The following EPB41 variants were observed in gnomAD, a reference collection of about 807,000 sequenced individuals.
EPB41 encodes the protein protein 4.1.
EPB41 carries 65 observed loss-of-function variants against 108.0 expected under a neutral mutation model. The observed-to-expected ratio is 0.60, with a 90% CI of 0.49 to 0.74. EPB41 has a LOEUF of 0.74. EPB41 is among the 30% of genes least tolerant of loss of function. The pLI is 0.00. For missense variants in EPB41, 875 were observed against 1,037.0 expected, an observed-to-expected ratio of 0.84 and a Z score of 2.15; for synonymous variants, 336 against 358.9, an observed-to-expected ratio of 0.94 and a Z score of 0.72.
At position 28,987,476 on chromosome 1, in the gene EPB41, T is replaced by C. The variant is rs752272235; in HGVS notation, c.39T>C (p.Asn13=). Residue 13 remains asparagine, a synonymous_variant, in exon 2 of 21, where the codon AAT becomes AAC. Coordinates refer to ENST00000343067, the MANE Select transcript of EPB41 (RefSeq NM_001376013.1). ...TEKSLVTEAE[N]SQHQQKEEGE... is the part of the protein sequence containing the mutation. ...AGAGTTTAGTGACTGAGGCCGAAAATTCACAGCACCAACAGAAGGAAGAGG... is the reference window on the plus strand; with the variant it reads ...AGAGTTTAGTGACTGAGGCCGAAAACTCACAGCACCAACAGAAGGAAGAGG... 1 of 1,613,928 alleles carries C rather than the reference T, an allele frequency of 6.2e-7. No individual in the cohort carries two copies. Among genetic ancestry groups the C allele is most frequent in the Admixed American group, 1.7e-5 (1 of 59,996 alleles).
At chr1:28,989,507 C>G (rs1020371617) in intron 2 of EPB41, 1 of 465,940 alleles carries the variant, frequency 2.1e-6, no homozygotes, top group African/African-American at 2.1e-5. Flanking sequence ...TATTATAGGT[C>G]TGAGATTTGG....
intron 1 of EPB41, among the ~76,000 whole-genome samples, chr1:28,917,413 T>C (rs1182723547): frequency 2.0e-5 from 3 of 152,178 alleles, no homozygotes; most frequent in Non-Finnish European, 4.4e-5. Flanking sequence ...CCCAAGTAGC[T>C]GGGATTACAG....
intron 16 of EPB41, among the ~76,000 whole-genome samples, chr1:29,091,800 G>T (rs1451339814): frequency 6.6e-6 from 1 of 152,050 alleles, no homozygotes; most frequent in East Asian, 1.9e-4. Flanking sequence ...TTTGTTATCA[G>T]CCAATGAAAG....
At position 28,914,633 on chromosome 1, in the gene EPB41, TAGTC is replaced by T. The variant is rs1469554733; in HGVS notation, c.-136_-133del. On this transcript the variant is annotated 5_prime_UTR_variant, in exon 1 of 21. Coordinates refer to ENST00000343067, the MANE Select transcript of EPB41 (RefSeq NM_001376013.1). The stretch of plus-strand genomic sequence containing the variant: ...CGCTCCCTCCCTCCGCTGGTGCGTT[TAGTC>T]AGTCAGCCAGCAGCAGCCGGCGGGC... 5.3e-5 allele frequency: 8 copies of T among 151,562 alleles called. No individual in the cohort carries two copies. Among genetic ancestry groups the T allele is most frequent in the East Asian group, 2.0e-4 (1 of 5,106 alleles). 9.4% of individuals were successfully genotyped at this position (151,562 alleles called of 1,614,324 possible).
At chr1:28,926,019 G>A (rs527337621) in intron 1 of EPB41, among the ~76,000 whole-genome samples, 1 of 150,112 alleles carries the variant, frequency 6.7e-6, no homozygotes, top group Non-Finnish European at 1.5e-5. Flanking sequence ...TTTGAGACTA[G>A]CCTGGGCAAC....
chr1:29,015,531 G>A (rs560486448), intron 5 of EPB41, among the ~76,000 whole-genome samples, 161 bp from the exon 6 acceptor site: 6 of 151,142 alleles, frequency 4.0e-5, no homozygotes, highest in East Asian at 1.9e-4. Flanking sequence ...CACGCTTCAC[G>A]CTACGGCACT....
chr1:28,980,875 C>T (rs956058176), intron 1 of EPB41, among the ~76,000 whole-genome samples: 1 of 148,674 alleles, frequency 6.7e-6, no homozygotes, highest in South Asian at 2.2e-4. Context: ...CGGCTCACTG[C>T]AACCTCGACT....
In EPB41 at chr1:29,065,018, C is replaced by G; in HGVS notation, c.2044C>G (p.His682Asp). ...GAGTCAAGAGGAGATCAAAAAACAT[C>G]ATGCCAGCATCAGTGAGCTGAAAAA... ...DKSQEEIKKH[H>D]ASISELKKNF... is the part of the protein sequence containing the mutation. The change falls in exon 16 of 21, where the codon CAT (histidine) becomes GAT (aspartate). Residue 682 changes from histidine (H) to aspartate (D), a missense_variant. By Grantham distance (81) the His-to-Asp change is moderately conservative. Coordinates refer to ENST00000343067, the MANE Select transcript of EPB41 (RefSeq NM_001376013.1). 1 of 1,614,112 alleles carries G rather than the reference C, an allele frequency of 6.2e-7. No individual in the cohort carries two copies. The highest frequency in any genetic ancestry group is 8.5e-7 in the Non-Finnish European group (1 of 1,180,022).
chr1:28,990,874 A>G (rs1280672132), intron 2 of EPB41, among the ~76,000 whole-genome samples: 2 of 152,212 alleles, frequency 1.3e-5, no homozygotes, highest in Non-Finnish European at 2.9e-5. Flanking sequence ...TTAATTTTAG[A>G]TTTAACTAAA....
At chr1:29,094,325 G>A (rs970879590) in intron 16 of EPB41, among the ~76,000 whole-genome samples, 2 of 151,670 alleles carry the variant, frequency 1.3e-5, no homozygotes, top group Non-Finnish European at 2.9e-5. Context: ...CACCCAGGCT[G>A]GAGTGCAGTG....
intron 16 of EPB41, among the ~76,000 whole-genome samples, chr1:29,088,984 G>T (rs936691489): frequency 6.6e-6 from 1 of 152,140 alleles, no homozygotes; most frequent in African/African-American, 2.4e-5. Flanking sequence ...AATAGGACAT[G>T]TGCTTTGGTC....
At chr1:28,979,781 TCTA>T (rs2095692686) in intron 1 of EPB41, among the ~76,000 whole-genome samples, 1 of 152,044 alleles carries the variant, frequency 6.6e-6, no homozygotes. Flanking sequence ...CTAGAACTAA[TCTA>T]CTAGTTTATG....
chr1:28,908,312 G>T (rs1381793855), intron 1 of EPB41, among the ~76,000 whole-genome samples: 1 of 150,106 alleles, frequency 6.7e-6, no homozygotes, highest in African/African-American at 2.4e-5. Context: ...TGAGGCAGGA[G>T]AATCACTTGA....
chr1:28,955,531 G>GT (rs2149038786), intron 1 of EPB41, among the ~76,000 whole-genome samples: 1 of 152,210 alleles, frequency 6.6e-6, no homozygotes, highest in Admixed American at 6.5e-5. Context: ...TTTTAGTAGA[G>GT]ACGGAGTTTC....
intron 1 of EPB41, among the ~76,000 whole-genome samples, chr1:28,986,881 A>G (rs2095879223): frequency 6.6e-6 from 1 of 152,238 alleles, no homozygotes; most frequent in African/African-American, 2.4e-5. Context: ...CGTTGCTGTT[A>G]TCCAGTCTTA....
upstream of EPB41, chr1:28,911,091 A>G (rs2092232997): frequency 6.1e-6 from 6 of 985,232 alleles, no homozygotes; most frequent in South Asian, 2.8e-4. Flanking sequence ...CTGAGAGGGC[A>G]GATGGGCCCA....
At chr1:29,106,614 C>T (rs1223481685) in intron 17 of EPB41, among the ~76,000 whole-genome samples, 1 of 109,694 alleles carries the variant, frequency 9.1e-6, no homozygotes, top group East Asian at 2.9e-4. Context: ...TCCTCTGTTA[C>T]CCAGGCTGGA....
Position 29,112,429 on chromosome 1 carries a change from C to T in EPB41, c.2477C>T (p.Ala826Val). Residue 826 changes from alanine to valine, a missense_variant, in exon 19 of 21, where the codon GCT (alanine) becomes GTT (valine). Ala to Val is a moderately conservative substitution (Grantham distance 64). This residue lies in a region of EPB41 where 519 missense variants were observed against 627.3 expected (regional missense o/e 0.83). Transcript: ENST00000343067. ...AAGAGAATTGTGATCACAGGAGATG[C>T]TGATATTGACCATGATCAGGTGGGA... ...IEKRIVITGD[A>V]DIDHDQVLVQ... 3 of 1,613,850 alleles carry T rather than the reference C, an allele frequency of 1.9e-6. No homozygotes were observed. Among genetic ancestry groups the T allele is most frequent in the Non-Finnish European group, 2.5e-6 (3 of 1,179,868 alleles).
intron 1 of EPB41, among the ~76,000 whole-genome samples, chr1:28,981,878 TA>T (rs1226895240): frequency 6.6e-6 from 1 of 151,196 alleles, no homozygotes; most frequent in African/African-American, 2.4e-5. Context: ...TTATTATTTT[TA>T]TTTTTTATTT....
Sources: gnomAD v4.1 joint callset for allele counts (sites outside exome capture counted in the v4.1 genomes callset) on GRCh38, gnomAD v4.1.1 for gene constraint, gnomAD v4.1.1 regional missense constraint, MANE v1.5 for transcripts, NCBI Gene and HGNC (gene_info 2026-07-23, HGNC 2026-07-21) for gene names.